FA2H: variants seen among roughly 807,000 people sequenced by gnomAD.
FA2H encodes the protein fatty acid alpha-hydroxylase.
A neutral mutation model predicts 44.9 loss-of-function variants in FA2H; 22 were observed. That is an observed-to-expected ratio of 0.49 (90% CI 0.35 to 0.70). FA2H has a LOEUF of 0.70. FA2H is among the 30% of genes least tolerant of loss of function. The probability of loss-of-function intolerance (pLI) is 0.01; values close to 1 mark genes in which losing one functional copy is unlikely to be tolerated. For missense variants in FA2H, 501 were observed against 504.9 expected, an observed-to-expected ratio of 0.99 and a Z score of 0.07; for synonymous variants, 243 against 213.2, an observed-to-expected ratio of 1.14 and a Z score of -1.22.
chr16:74,728,468 G>A (rs1470311405), intron 2 of FA2H, among the ~76,000 whole-genome samples: 2 of 152,104 alleles, frequency 1.3e-5, no homozygotes, highest in South Asian at 2.1e-4. Context: ...ATTTGACAAG[G>A]GGGAGAGAGG....
chr16:74,716,683 A>C, intron 5 of FA2H, 84 bp from the exon 6 acceptor site: 1 of 1,448,778 alleles, frequency 6.9e-7, no homozygotes, highest in Non-Finnish European at 9.1e-7. Context: ...TGCAGAGGAC[A>C]GGGGCACAGC....
At position 74,731,157 on chromosome 16, in the gene FA2H, T is replaced by C. The variant is rs865832622; in HGVS notation, c.364-3771A>G. On this transcript the variant is annotated intron_variant, in intron 2 of 6. Coordinates refer to ENST00000219368, the MANE Select transcript of FA2H (RefSeq NM_024306.5). ...TAATCTAGTCAGACAATCTCTGCCA[T>C]TTTTTTTTTTTTTTTGAGAAGGAGT... 3.7e-3 allele frequency among the ~76,000 whole-genome samples: 482 copies of C among 131,832 alleles called. 2 individuals are homozygous for C. Among genetic ancestry groups the C allele is most frequent in the Non-Finnish European group, 6.0e-3 (364 of 60,294 alleles). The allele number at this position is 131,832 out of a possible 152,430, so 86.5% of individuals were successfully genotyped here. A position where few individuals can be genotyped will look rare whatever the true frequency, so the allele number is the denominator to read the frequency against.
intron 1 of FA2H, among the ~76,000 whole-genome samples, chr16:74,771,517 G>C (rs1319804005): frequency 1.3e-5 from 2 of 151,922 alleles, no homozygotes; most frequent in Non-Finnish European, 2.9e-5. Flanking sequence ...TGTATTTTTA[G>C]TAGGGACAGC....
intron 6 of FA2H, among the ~76,000 whole-genome samples, chr16:74,715,278 GT>G (rs1961667767): frequency 6.6e-6 from 1 of 152,026 alleles, no homozygotes; most frequent in African/African-American, 2.4e-5. Context: ...TAGTATAAGA[GT>G]TGCTAATTAT....
At chr16:74,724,196 C>G (rs1165145744) in intron 4 of FA2H, among the ~76,000 whole-genome samples, 5 of 152,228 alleles carry the variant, frequency 3.3e-5, no homozygotes, top group African/African-American at 4.8e-5. Context: ...GCCACCGTGC[C>G]TGGCCTTAGC....
chr16:74,760,750 G>A (rs1039261463), intron 1 of FA2H, among the ~76,000 whole-genome samples: 4 of 152,196 alleles, frequency 2.6e-5, no homozygotes, highest in African/African-American at 9.7e-5. Context: ...AAGGATCAGA[G>A]GTGACCTTGG....
intron 2 of FA2H, among the ~76,000 whole-genome samples, chr16:74,727,728 A>G (rs1961989477): frequency 6.6e-6 from 1 of 152,232 alleles, no homozygotes; most frequent in South Asian, 2.1e-4. Context: ...AGATGGCCAA[A>G]CCAAGAGCTA....
intron 1 of FA2H, among the ~76,000 whole-genome samples, chr16:74,747,619 A>G (rs241378): frequency 0.83 from 126,711 of 151,886 alleles, 53,385 homozygotes; most frequent in South Asian, 0.89. Flanking sequence ...ACAGACACAC[A>G]CGTGTGAAGA....
chr16:74,760,639 G>A (rs928377605), intron 1 of FA2H, among the ~76,000 whole-genome samples: 10 of 152,142 alleles, frequency 6.6e-5, no homozygotes, highest in African/African-American at 9.7e-5. Flanking sequence ...ATTGCCTCAC[G>A]TCATCCTAGA....
rs1440077188 is a variant in FA2H, at chr16:74,715,798, AC to A, written c.1039+548del. ...ATGTGATATTCCATCACCTTGCTTTACTTTCTTCTTCTTCTTCTTTTTTTTT... is the reference window on the plus strand; with the variant it reads ...ATGTGATATTCCATCACCTTGCTTTATTTCTTCTTCTTCTTCTTTTTTTTT... On this transcript the variant is annotated intron_variant, in intron 6 of 6. Coordinates refer to ENST00000219368, the MANE Select transcript of FA2H (RefSeq NM_024306.5). Among the ~76,000 whole-genome samples, 104 of 142,810 alleles carry A rather than the reference AC, an allele frequency of 7.3e-4. 2 individuals are homozygous for A. Among genetic ancestry groups the A allele is most frequent in the African/African-American group, 2.5e-3 (96 of 37,950 alleles). 93.7% of individuals were successfully genotyped at this position (142,810 alleles called of 152,430 possible).
At position 74,740,127 on chromosome 16, in the gene FA2H, A is replaced by C. The variant is rs1314200047; in HGVS notation, c.271-12T>G. 6.2e-7 allele frequency: 1 copy of C among 1,603,034 alleles called. No individual in the cohort carries two copies. Among genetic ancestry groups the C allele is most frequent in the Non-Finnish European group, 8.5e-7 (1 of 1,170,036 alleles). ...TTCTCCATGGAGCCCTGGAAGGAGA[A>C]GATACAAGAGGATTATACACAGTGG... On this transcript the variant is annotated splice_polypyrimidine_tract_variant and intron_variant, in intron 1 of 6. Transcript: ENST00000219368.
chr16:74,727,945 A>G lies in FA2H; in HGVS notation c.364-559T>C, dbSNP rs74975392. ...TCAGCAATTTATTTTTTATATATATATTTATTTCTATGCTAGGTGCTGGGA... is the reference window on the plus strand; with the variant it reads ...TCAGCAATTTATTTTTTATATATATGTTTATTTCTATGCTAGGTGCTGGGA... On this transcript the variant is annotated intron_variant, in intron 2 of 6. Coordinates refer to ENST00000219368, the MANE Select transcript of FA2H (RefSeq NM_024306.5). 0.019 allele frequency among the ~76,000 whole-genome samples: 2,869 copies of G among 152,246 alleles called. 119 individuals carry two copies. The East Asian group carries it at 0.2, about 11-fold the overall frequency.
At chr16:74,746,917 C>T (rs1222247696) in intron 1 of FA2H, among the ~76,000 whole-genome samples, 1 of 152,194 alleles carries the variant, frequency 6.6e-6, no homozygotes, top group Non-Finnish European at 1.5e-5. Flanking sequence ...GAAGGGCAAC[C>T]TCAGGTGGGG....
chr16:74,754,193 C>G (rs1195280451), intron 1 of FA2H, among the ~76,000 whole-genome samples: 5 of 152,244 alleles, frequency 3.3e-5, no homozygotes, highest in Admixed American at 1.3e-4. Flanking sequence ...GTCGGGAGTT[C>G]AAGACCAGAC....
intron 1 of FA2H, among the ~76,000 whole-genome samples, chr16:74,762,265 G>C (rs991819726): frequency 6.6e-6 from 1 of 152,144 alleles, no homozygotes; most frequent in Non-Finnish European, 1.5e-5. Context: ...GGGTGGTCTC[G>C]ATTTCCTGAC....
chr16:74,729,004 A>ATTTTTT (rs35360701), intron 2 of FA2H, among the ~76,000 whole-genome samples: 8 of 38,992 alleles, frequency 2.1e-4, no homozygotes, highest in Non-Finnish European at 2.8e-4. Context: ...GATGGTCTTG[A>ATTTTTT]TTTTTTTTTT....
At chr16:74,748,021 A>T (rs1194371043) in intron 1 of FA2H, among the ~76,000 whole-genome samples, 1 of 152,174 alleles carries the variant, frequency 6.6e-6, no homozygotes, top group East Asian at 1.9e-4. Flanking sequence ...CGCGGCAGAA[A>T]CCAGGCTCTT....
At chr16:74,770,544 A>T (rs147841200) in intron 1 of FA2H, among the ~76,000 whole-genome samples, 358 of 152,134 alleles carry the variant, frequency 2.4e-3, no homozygotes, top group African/African-American at 8.3e-3. Flanking sequence ...ACACCCAGCT[A>T]ATTTTTTGTA....
intron 1 of FA2H, among the ~76,000 whole-genome samples, chr16:74,772,829 C>T (rs1363084726): frequency 6.6e-6 from 1 of 152,108 alleles, no homozygotes; most frequent in East Asian, 1.9e-4. Flanking sequence ...GTAGCCAATG[C>T]CACATCACCA....
Sources: gnomAD v4.1 joint callset for allele counts (sites outside exome capture counted in the v4.1 genomes callset) on GRCh38, gnomAD v4.1.1 for gene constraint, MANE v1.5 for transcripts, NCBI Gene and HGNC (gene_info 2026-07-23, HGNC 2026-07-21) for gene names.